The following DLG5 variants were observed in gnomAD, a reference collection of about 807,000 sequenced individuals.
The protein encoded by DLG5 is disks large homolog 5.
Under a neutral mutation model 189.8 loss-of-function variants are expected in DLG5, and 48 were observed. That is an observed-to-expected ratio of 0.25 (90% confidence interval 0.20 to 0.32). The LOEUF is 0.32. Ranked by LOEUF, DLG5 falls within the 10% of genes least tolerant of loss-of-function variation. The pLI is 1.00. For synonymous variants in DLG5, 1,016 were observed against 1,054.1 expected (o/e 0.96, Z 0.70); for missense variants, 2,160 against 2,544.7 (o/e 0.85, Z 3.25).
chr10:77,819,810 G>A, intron 16 of DLG5, 85 bp downstream of exon 16: 1 of 1,493,150 alleles, frequency 6.7e-7, no homozygotes, highest in Non-Finnish European at 8.9e-7. Flanking sequence ...GCAGCTCTCT[G>A]AAATGCTGCC....
intron 20 of DLG5, among the ~76,000 whole-genome samples, chr10:77,813,436 G>C (rs1841883962): frequency 6.6e-6 from 1 of 151,942 alleles, no homozygotes; most frequent in African/African-American, 2.4e-5. Context: ...AATTCTTCTT[G>C]AGTTGTCCCT....
intron 1 of DLG5, among the ~76,000 whole-genome samples, chr10:77,901,504 T>G (rs1845926156): frequency 6.6e-6 from 1 of 152,188 alleles, no homozygotes; most frequent in Admixed American, 6.5e-5. Context: ...ATCCACACAG[T>G]GCAGCTATGG....
chr10:77,879,391 G>A (rs1845205469), intron 1 of DLG5, among the ~76,000 whole-genome samples: 1 of 152,120 alleles, frequency 6.6e-6, no homozygotes, highest in Admixed American at 6.5e-5. Flanking sequence ...AGAGGATGCA[G>A]GGCTTTATTC....
intron 18 of DLG5, among the ~76,000 whole-genome samples, 160 bp from the exon 19 acceptor site, chr10:77,817,256 G>A (rs1004673051): frequency 3.3e-5 from 5 of 152,156 alleles, no homozygotes; most frequent in East Asian, 1.9e-4. Flanking sequence ...AAAAGCAGAC[G>A]TTTAACATTT....
chr10:77,833,826 T>G, intron 9 of DLG5, 88 bp downstream of exon 9: 1 of 1,545,874 alleles, frequency 6.5e-7, no homozygotes, highest in Non-Finnish European at 8.7e-7. Flanking sequence ...CCCTGGCCAA[T>G]GCACTCAGCA....
chr10:77,801,080 C>A (rs1483661152), intron 27 of DLG5, among the ~76,000 whole-genome samples: 1 of 152,224 alleles, frequency 6.6e-6, no homozygotes, highest in Non-Finnish European at 1.5e-5. Flanking sequence ...AACATAACTT[C>A]TGACATCTCA....
chr10:77,827,278 T>G (rs1564521038), intron 13 of DLG5, among the ~76,000 whole-genome samples: 1 of 152,130 alleles, frequency 6.6e-6, no homozygotes, highest in Non-Finnish European at 1.5e-5. Flanking sequence ...CAGGCTAGAG[T>G]GCAGTGGCGC....
intron 6 of DLG5, among the ~76,000 whole-genome samples, chr10:77,842,497 A>G (rs1279234673): frequency 1.3e-5 from 2 of 152,242 alleles, no homozygotes; most frequent in Non-Finnish European, 2.9e-5. Flanking sequence ...AAAATAATAA[A>G]AACAAAACAA....
intron 5 of DLG5, among the ~76,000 whole-genome samples, chr10:77,849,372 G>C (rs1013919687): frequency 6.6e-6 from 1 of 152,220 alleles, no homozygotes; most frequent in Admixed American, 6.5e-5. Flanking sequence ...CCTTATCCCC[G>C]CTTCCTCTGC....
rs1002071801 is a variant in DLG5, at chr10:77,806,530, C to T, written c.4967+228G>A. On this transcript the variant is annotated intron_variant, in intron 26 of 31. Coordinates refer to ENST00000372391, the MANE Select transcript of DLG5 (RefSeq NM_004747.4). Reference sequence around the variant, plus strand: ...TCCATAAATCCATTTTTCTAAAACACGTTATGCCTTCTGACCCATCACTGT... The same window carrying T: ...TCCATAAATCCATTTTTCTAAAACATGTTATGCCTTCTGACCCATCACTGT... Among the ~76,000 whole-genome samples, 7 of 152,322 alleles carry T rather than the reference C, an allele frequency of 4.6e-5. No individual in the cohort carries two copies. The South Asian group carries it at 1.0e-3, about 23-fold the overall frequency.
At chr10:77,806,718 A>AGCCCCCCCCCCCCCCC in intron 26 of DLG5, 40 bp downstream of exon 26, 2 of 1,333,652 alleles carry the variant, frequency 1.5e-6, no homozygotes, top group Non-Finnish European at 1.1e-6. Context: ...GCCCTCGGCG[A>AGCCCCCCCCCCCCCCC]CCCCTGCCCC....
chr10:77,807,856 T>A lies in DLG5; in HGVS notation c.4736A>T (p.Gln1579Leu), dbSNP rs779809582. The change falls in exon 25 of 32, where the codon CAG (glutamine) becomes CTG (leucine). Residue 1579 changes from glutamine (Q) to leucine (L), a missense_variant. Gln to Leu is a moderately radical substitution (Grantham distance 113). Coordinates refer to ENST00000372391, the MANE Select transcript of DLG5 (RefSeq NM_004747.4). ...KPRDGVRLKV[Q>L]YRPEEFTKAK... is the part of the protein sequence containing the mutation. ...CTTCGTGAACTCCTCAGGGCGGTAC[T>A]GCACCTTCAGGCGGACGCCATCCCT... 3 of 1,614,234 alleles carry A rather than the reference T, an allele frequency of 1.9e-6. No homozygotes were observed. In the Admixed American group the frequency reaches 5.0e-5, roughly 27 times the overall value.
rs1419965748 is a variant in DLG5 at position 77,796,064 on chromosome 10, T to C, written c.5433A>G (p.Glu1811=). The C allele has an allele frequency of 6.2e-6, 10 of 1,614,192 alleles. No individual in the cohort carries two copies. The highest frequency in any genetic ancestry group is 8.5e-6 in the Non-Finnish European group (10 of 1,180,036). The part of the protein sequence containing the change: ...TTVASIKEIT[E]KNRHCLLDIA... The stretch of plus-strand genomic sequence containing the variant: ...CTCAGACTGAAGCCCTGGGTACCTT[T>C]TCTGTGATCTCCTTTATTGACGCCA... Residue 1811 remains glutamate (E), a synonymous_variant, in exon 29 of 32, where the codon GAA becomes GAG. Coordinates refer to ENST00000372391, the MANE Select transcript of DLG5 (RefSeq NM_004747.4). This position sits in a 1 kb window ranked among gnomAD's most constrained non-coding sequence, Gnocchi z 5.2.
At chr10:77,819,716 A>G (rs1842240391) in intron 16 of DLG5, 179 bp downstream of exon 16, 1 of 1,140,512 alleles carries the variant, frequency 8.8e-7, no homozygotes, top group Admixed American at 2.4e-5. Context: ...TTGACAAGCT[A>G]AGACATGTCA....
At chr10:77,935,201 A>G in the DLG5 span, among the ~76,000 whole-genome samples, 1 of 152,010 alleles carries the variant, frequency 6.6e-6, no homozygotes, top group Non-Finnish European at 1.5e-5. Flanking sequence ...GGTTTTTGTT[A>G]TGGCATTAGG....
intron 24 of DLG5, among the ~76,000 whole-genome samples, chr10:77,808,170 GC>G (rs1471798678): frequency 3.3e-5 from 5 of 152,222 alleles, no homozygotes; most frequent in Non-Finnish European, 5.9e-5. Flanking sequence ...TGGCTGCCCT[GC>G]CCTTGACAGC....
chr10:77,856,713 G>T lies in DLG5; in HGVS notation c.536+17C>A. On this transcript the variant is annotated intron_variant, in intron 3 of 31. Transcript: ENST00000372391. ...CCAACCATGGGGCCTGGGCAGGGGA[G>T]ACGGCGCAATTACTACCTCTTGTCA... The T allele has an allele frequency of 3.1e-6, 5 of 1,609,526 alleles. No homozygotes were observed. The highest frequency in any genetic ancestry group is 4.2e-6 in the Non-Finnish European group (5 of 1,177,188).
At chr10:77,816,846 G>T in intron 19 of DLG5, 145 bp from the exon 20 acceptor site, 4 of 1,378,002 alleles carry the variant, frequency 2.9e-6, no homozygotes, top group Non-Finnish European at 4.0e-6. Flanking sequence ...GCTCTGCATT[G>T]CCCCCTACCC....
chr10:77,918,308 G>T lies in DLG5; in HGVS notation c.304+7909C>A, dbSNP rs531804476. On this transcript the variant is annotated intron_variant, in intron 1 of 31. Transcript: ENST00000372391. ...CATGCCTGTAGTCCCAGCTACTTGG[G>T]AGGCTGAAGGAGGAGAATTGCTGCA... Among the ~76,000 whole-genome samples, 3 of 152,096 alleles carry T rather than the reference G, an allele frequency of 2.0e-5. No individual in the cohort carries two copies. In the South Asian group the frequency reaches 6.2e-4, roughly 32 times the overall value.
Sources: gnomAD v4.1 joint callset for allele counts (sites outside exome capture counted in the v4.1 genomes callset) on GRCh38, gnomAD v4.1.1 for gene constraint, Gnocchi (gnomAD v3.1) non-coding constraint, MANE v1.5 for transcripts, NCBI Gene and HGNC (gene_info 2026-07-23, HGNC 2026-07-21) for gene names.